The following FRS2 variants were observed in gnomAD, a reference collection of about 807,000 sequenced individuals.
FRS2 encodes the protein fibroblast growth factor receptor substrate 2.
A neutral mutation model predicts 43.9 loss-of-function variants in FRS2; 8 were observed. That is an observed-to-expected ratio of 0.18 (90% CI 0.11 to 0.33). The LOEUF (loss-of-function observed/expected upper bound fraction) is 0.33, where lower values mean the gene tolerates loss of function less well. FRS2 is among the 10% of genes least tolerant of loss of function. The probability of loss-of-function intolerance (pLI) is 1.00; values close to 1 mark genes in which losing one functional copy is unlikely to be tolerated. For missense variants in FRS2, 534 were observed against 627.6 expected (o/e 0.85, Z 1.59); for synonymous variants, 219 against 220.3 (o/e 0.99, Z 0.05).
At chr12:69,548,632 GGGTTCTGGCAGGAACC>G (rs1486263971) in intron 3 of FRS2, among the ~76,000 whole-genome samples, 1 of 152,142 alleles carries the variant, frequency 6.6e-6, no homozygotes, top group Non-Finnish European at 1.5e-5. Flanking sequence ...GCTTAAATCA[GGGTTCTGGCAGGAACC>G]CTGTAATGGA....
chr12:69,507,726 G>C (rs1448802448), intron 1 of FRS2, among the ~76,000 whole-genome samples: 1 of 152,038 alleles, frequency 6.6e-6, no homozygotes, highest in African/African-American at 2.4e-5. Flanking sequence ...CCCTAAGTAT[G>C]GTACTTAAAA....
At chr12:69,544,212 A>G (rs1878166808) in intron 3 of FRS2, among the ~76,000 whole-genome samples, 4 of 152,098 alleles carry the variant, frequency 2.6e-5, no homozygotes, top group Non-Finnish European at 5.9e-5. Flanking sequence ...ATTCAGCAGC[A>G]TATCAGTGGG....
intron 3 of FRS2, among the ~76,000 whole-genome samples, chr12:69,561,315 T>G (rs1006513094): frequency 3.3e-5 from 5 of 152,052 alleles, no homozygotes; most frequent in Non-Finnish European, 7.3e-5. Flanking sequence ...GAGTTGAAAT[T>G]GTTGCATTTG....
chr12:69,575,018 T>G lies in FRS2; in HGVS notation c.*63T>G. On this transcript the variant is annotated 3_prime_UTR_variant, in exon 9 of 9. Transcript: ENST00000549921. ...TTTTTAAAAATGAAGATGCAAGTGC[T>G]TCATTTTCATTTCTAAACACTAACT... is the stretch of plus-strand genomic sequence containing the variant. 9.7e-7 allele frequency: 1 copy of G among 1,035,394 alleles called. No homozygotes were observed. The highest frequency in any genetic ancestry group is 1.5e-6 in the Non-Finnish European group (1 of 685,042). The allele number at this position is 1,035,394 out of a possible 1,614,324, so 64.1% of individuals were successfully genotyped here.
intron 3 of FRS2, among the ~76,000 whole-genome samples, chr12:69,554,419 T>A (rs980859452): frequency 3.9e-5 from 6 of 152,054 alleles, no homozygotes; most frequent in African/African-American, 1.4e-4. Flanking sequence ...AAAATGCAAA[T>A]CCTCTCAAGT....
At chr12:69,483,829 T>G (rs1871568937) in intron 1 of FRS2, among the ~76,000 whole-genome samples, 1 of 152,198 alleles carries the variant, frequency 6.6e-6, no homozygotes, top group Admixed American at 6.5e-5. Flanking sequence ...ATGAGAGTTT[T>G]TTAATCTTGA....
rs1000274166 is a variant in FRS2 at position 69,575,923 on chromosome 12, A to G, written c.*968A>G. 6.6e-6 allele frequency: 1 copy of G among 152,482 alleles called. No homozygotes were observed. The highest frequency in any genetic ancestry group is 1.5e-5 in the Non-Finnish European group (1 of 68,024). The allele number at this position is 152,482 out of a possible 1,614,324, so 9.4% of individuals were successfully genotyped here. ...ATGTGTTCATTGTTGTTTAGTTTGC[A>G]TTTTTGTCAAATTATGGTTTTGAAG... On this transcript the variant is annotated 3_prime_UTR_variant, in exon 9 of 9. Coordinates refer to ENST00000549921, the MANE Select transcript of FRS2 (RefSeq NM_001278356.2).
chr12:69,477,368 CCT>C (rs1266858760), intron 1 of FRS2, among the ~76,000 whole-genome samples: 1 of 150,450 alleles, frequency 6.6e-6, no homozygotes, highest in Non-Finnish European at 1.5e-5. Flanking sequence ...GCAAGCTCCG[CCT>C]CTCCTGGGTT....
At chr12:69,507,245 A>G (rs1355979903) in intron 1 of FRS2, among the ~76,000 whole-genome samples, 1 of 152,160 alleles carries the variant, frequency 6.6e-6, no homozygotes, top group Non-Finnish European at 1.5e-5. Flanking sequence ...TGAGTGCAGG[A>G]GGAGTATGCC....
intron 1 of FRS2, among the ~76,000 whole-genome samples, chr12:69,517,541 G>A (rs1413277962): frequency 2.0e-5 from 3 of 151,774 alleles, no homozygotes; most frequent in African/African-American, 7.3e-5. Flanking sequence ...AATGGTGTGT[G>A]AGGCCAAAGC....
chr12:69,523,594 T>C (rs1875903371), intron 1 of FRS2, among the ~76,000 whole-genome samples: 1 of 152,200 alleles, frequency 6.6e-6, no homozygotes, highest in African/African-American at 2.4e-5. Flanking sequence ...AGTATTGATA[T>C]GTGTGCGTTT....
At chr12:69,499,529 G>GCCCTCCA (rs1024923805) in intron 1 of FRS2, among the ~76,000 whole-genome samples, 2 of 152,034 alleles carry the variant, frequency 1.3e-5, no homozygotes, top group African/African-American at 4.8e-5. Context: ...GTTCCCCTCT[G>GCCCTCCA]CCCTCCACCC....
chr12:69,534,573 T>G (rs1391974577), intron 3 of FRS2, among the ~76,000 whole-genome samples: 2 of 152,158 alleles, frequency 1.3e-5, no homozygotes, highest in African/African-American at 4.8e-5. Flanking sequence ...AGTACAGGGT[T>G]GCTAAGGTGA....
intron 1 of FRS2, among the ~76,000 whole-genome samples, chr12:69,527,896 G>T (rs1443038286): frequency 6.6e-6 from 1 of 152,098 alleles, no homozygotes; most frequent in Admixed American, 6.5e-5. Flanking sequence ...CCAACTTTTG[G>T]AACCCCTGCT....
intron 1 of FRS2, among the ~76,000 whole-genome samples, chr12:69,489,219 C>T (rs1872229758): frequency 1.3e-5 from 2 of 152,096 alleles, no homozygotes; most frequent in Non-Finnish European, 2.9e-5. Context: ...ATCTGATTTA[C>T]CCAGTCAATA....
chr12:69,480,829 T>C (rs1194371832), intron 1 of FRS2, among the ~76,000 whole-genome samples: 3 of 152,218 alleles, frequency 2.0e-5, no homozygotes, highest in Non-Finnish European at 4.4e-5. Flanking sequence ...GTATCTGAAG[T>C]CTTTGCAGAC....
chr12:69,474,210 T>A (rs1267813566), intron 1 of FRS2, among the ~76,000 whole-genome samples: 1 of 152,018 alleles, frequency 6.6e-6, no homozygotes, highest in Admixed American at 6.6e-5. Flanking sequence ...GGCAAGGAGG[T>A]ACGTAATGAG....
chr12:69,570,559 TG>T (rs1565782296), intron 6 of FRS2, 42 bp downstream of exon 6: 1 of 1,255,794 alleles, frequency 8.0e-7, no homozygotes, highest in Non-Finnish European at 1.2e-6. Flanking sequence ...TATTTGAAAT[TG>T]TTTTTTCAGC....
intron 3 of FRS2, among the ~76,000 whole-genome samples, chr12:69,537,516 TTGAC>T (rs1041453531): frequency 4.3e-4 from 65 of 152,314 alleles, no homozygotes; most frequent in African/African-American, 1.3e-3. Context: ...TTCCAGTACT[TTGAC>T]TGCTAGTATT....
Sources: gnomAD v4.1 joint callset for allele counts (sites outside exome capture counted in the v4.1 genomes callset) on GRCh38, gnomAD v4.1.1 for gene constraint, MANE v1.5 for transcripts, NCBI Gene and HGNC (gene_info 2026-07-23, HGNC 2026-07-21) for gene names.